PIP5K1B: variants seen among roughly 807,000 people sequenced by gnomAD.
PIP5K1B encodes phosphatidylinositol-4-phosphate 5-kinase type 1 beta.
Under a neutral mutation model 67.0 loss-of-function variants are expected in PIP5K1B, and 42 were observed. The ratio of observed to expected loss-of-function variants is 0.63; its 90% confidence interval spans 0.49 to 0.81. The LOEUF (loss-of-function observed/expected upper bound fraction) is 0.81. PIP5K1B is among the 30% of genes least tolerant of loss of function. The pLI is 0.00. For missense variants in PIP5K1B, 459 were observed against 646.3 expected, an observed-to-expected ratio of 0.71 and a Z score of 3.14; for synonymous variants, 214 against 231.4, an observed-to-expected ratio of 0.92 and a Z score of 0.68.
At chr9:68,798,524 G>A (rs1045954122) in intron 2 of PIP5K1B, among the ~76,000 whole-genome samples, 4 of 152,134 alleles carry the variant, frequency 2.6e-5, no homozygotes, top group African/African-American at 9.7e-5. Flanking sequence ...AGAAGCACCT[G>A]CTTTGGGTAG....
chr9:68,920,773 G>GTC (rs895402747), intron 11 of PIP5K1B, among the ~76,000 whole-genome samples: 2 of 147,290 alleles, frequency 1.4e-5, no homozygotes, highest in Non-Finnish European at 3.0e-5. Context: ...CTGTCTCTCT[G>GTC]TCTCTCTCTC....
chr9:68,870,762 G>A (rs141352372), intron 5 of PIP5K1B, among the ~76,000 whole-genome samples: 2 of 152,178 alleles, frequency 1.3e-5, no homozygotes, highest in Non-Finnish European at 2.9e-5. Flanking sequence ...CAGAGGGTAA[G>A]GTCATGTTTG....
rs1832878022 is a variant in PIP5K1B at position 68,806,475 on chromosome 9, C to T, written c.-85-11986C>T. On this transcript the variant is annotated intron_variant, in intron 2 of 15. Coordinates refer to ENST00000265382, the MANE Select transcript of PIP5K1B (RefSeq NM_003558.4). The stretch of plus-strand genomic sequence containing the variant: ...GGTTTTCGCTTCCCATTTTATCTCG[C>T]CTTCTTTTAAGCAATATTATTTTTA... Among the ~76,000 whole-genome samples the T allele has an allele frequency of 3.3e-5, 5 of 152,210 alleles. No individual in the cohort carries two copies. In the South Asian group the frequency reaches 1.0e-3, roughly 31 times the overall value.
At chr9:68,819,713 G>T (rs1200836744) in intron 3 of PIP5K1B, among the ~76,000 whole-genome samples, 2 of 152,164 alleles carry the variant, frequency 1.3e-5, no homozygotes, top group Non-Finnish European at 2.9e-5. Flanking sequence ...ATGGCCCTTT[G>T]CAGTTTACCA....
intron 1 of PIP5K1B, among the ~76,000 whole-genome samples, chr9:68,733,711 C>T (rs1260196727): frequency 7.9e-6 from 1 of 127,314 alleles, no homozygotes; most frequent in Non-Finnish European, 1.6e-5. Context: ...GTGATCTCAG[C>T]TCACTGTAAC....
rs1823289537 is a variant in PIP5K1B at position 68,865,034 on chromosome 9, C to T, written c.200+1067C>T. 4.6e-5 allele frequency among the ~76,000 whole-genome samples: 7 copies of T among 152,192 alleles called. No homozygotes were observed. The South Asian group carries it at 1.0e-3, about 23-fold the overall frequency. ...CTGTTTGTGGACATGCAGTAACCCC[C>T]ACATAGTCACCAAGGAGCAGAGCCC... On this transcript the variant is annotated intron_variant, in intron 5 of 15. Coordinates refer to ENST00000265382, the MANE Select transcript of PIP5K1B (RefSeq NM_003558.4).
chr9:68,748,589 G>A (rs1046714445), intron 2 of PIP5K1B, among the ~76,000 whole-genome samples: 2 of 151,458 alleles, frequency 1.3e-5, no homozygotes, highest in African/African-American at 4.9e-5. Flanking sequence ...GCACCACTCG[G>A]CGGCTGAGTT....
chr9:68,788,282 A>T, intron 2 of PIP5K1B: 1 of 595,846 alleles, frequency 1.7e-6, no homozygotes. Flanking sequence ...AGTGTTCATG[A>T]CTTTTCCCTC....
intron 15 of PIP5K1B, among the ~76,000 whole-genome samples, chr9:68,996,918 TA>T (rs1415732176): frequency 1.3e-4 from 20 of 152,224 alleles, no homozygotes; most frequent in African/African-American, 4.3e-4. Flanking sequence ...CTTTCCATAT[TA>T]ACATCCTCTC....
rs377104033 is a variant in PIP5K1B, at chr9:68,736,087, G to A, written c.-242-6414G>A. On this transcript the variant is annotated intron_variant, in intron 1 of 15. Transcript: ENST00000265382. ...CGGAAAGCGCATGTGAGTGGCTGTCGTGGGAGCTGTGTACTGCTGTGGAGT... is the reference window on the plus strand; with the variant it reads ...CGGAAAGCGCATGTGAGTGGCTGTCATGGGAGCTGTGTACTGCTGTGGAGT... Among the ~76,000 whole-genome samples the A allele has an allele frequency of 1.0e-3, 153 of 152,280 alleles. 4 individuals carry two copies. The South Asian group carries it at 0.029, about 29-fold the overall frequency.
At chr9:68,981,934 C>G (rs1055772660) in intron 14 of PIP5K1B, among the ~76,000 whole-genome samples, 9 of 152,152 alleles carry the variant, frequency 5.9e-5, no homozygotes, top group South Asian at 4.1e-4. Context: ...ATGACTTGTT[C>G]GGAGAGCAGA....
At chr9:68,928,140 C>T (rs150998981) in intron 12 of PIP5K1B, among the ~76,000 whole-genome samples, 58 of 152,178 alleles carry the variant, frequency 3.8e-4, no homozygotes, top group Middle Eastern at 3.4e-3. Flanking sequence ...TTGACTCTCA[C>T]ATCTGTTCTA....
intron 6 of PIP5K1B, among the ~76,000 whole-genome samples, chr9:68,885,972 G>T (rs1824451107): frequency 6.6e-6 from 1 of 152,212 alleles, no homozygotes. Flanking sequence ...ATGAGGTCAG[G>T]AGATCGAGAC....
Position 68,992,839 on chromosome 9 carries a change from CAAAAAAAAAAAA to C in PIP5K1B, c.1620+1603_1620+1614del, listed in dbSNP as rs201517701. Among the ~76,000 whole-genome samples the C allele has an allele frequency of 6.8e-4, 39 of 57,578 alleles. 1 individual carries two copies. Among genetic ancestry groups the C allele is most frequent in the Admixed American group, 2.0e-3 (8 of 4,032 alleles). The allele number at this position is 57,578 out of a possible 152,430, so 37.8% of individuals were successfully genotyped here. A position where few individuals can be genotyped will look rare whatever the true frequency, so the allele number is the denominator to read the frequency against. On this transcript the variant is annotated intron_variant, in intron 15 of 15. Coordinates refer to ENST00000265382, the MANE Select transcript of PIP5K1B (RefSeq NM_003558.4). ...TAGGCAACAGAGCATGACCCTGTCT[CAAAAAAAAAAAA>C]AAAAAAAAAAAAAAAAAAAAGTCCT...
At chr9:68,720,963 A>G (rs1043947219) in intron 1 of PIP5K1B, among the ~76,000 whole-genome samples, 28 of 152,208 alleles carry the variant, frequency 1.8e-4, no homozygotes, top group African/African-American at 6.8e-4. Context: ...AGCAGCTACC[A>G]TTTCTTAAAC....
intron 15 of PIP5K1B, among the ~76,000 whole-genome samples, chr9:69,005,596 G>T (rs925967058): frequency 6.6e-6 from 1 of 151,920 alleles, no homozygotes. Context: ...GGCTGGTCTC[G>T]AACTCCTCCC....
chr9:68,982,436 A>G (rs187385824), intron 14 of PIP5K1B, among the ~76,000 whole-genome samples: 5 of 152,342 alleles, frequency 3.3e-5, no homozygotes, highest in African/African-American at 1.2e-4. Context: ...AATGGCATAG[A>G]CATTTAAATG....
intron 14 of PIP5K1B, among the ~76,000 whole-genome samples, chr9:68,986,593 T>G (rs1447019096): frequency 6.6e-6 from 1 of 152,162 alleles, no homozygotes; most frequent in African/African-American, 2.4e-5. Context: ...AATAACAACG[T>G]TTTAAAAAAA....
chr9:68,963,602 A>G (rs1828866257), intron 14 of PIP5K1B, among the ~76,000 whole-genome samples: 1 of 152,104 alleles, frequency 6.6e-6, no homozygotes, highest in Admixed American at 6.5e-5. Flanking sequence ...CCCTGAAATT[A>G]TCTGTAGAAG....
Sources: gnomAD v4.1 joint callset for allele counts (sites outside exome capture counted in the v4.1 genomes callset) on GRCh38, gnomAD v4.1.1 for gene constraint, MANE v1.5 for transcripts, NCBI Gene and HGNC (gene_info 2026-07-23, HGNC 2026-07-21) for gene names.